MID1: variants seen among roughly 807,000 people sequenced by gnomAD.
MID1 encodes midline 1, also known as E3 ubiquitin-protein ligase Midline-1.
A neutral mutation model predicts 40.4 loss-of-function variants in MID1; 7 were observed. The observed-to-expected ratio is 0.17, with a 90% confidence interval of 0.10 to 0.33. The LOEUF is 0.33. Among genes scored for constraint, MID1 ranks in the 10% least tolerant of loss-of-function variants. MID1 has a pLI of 1.00. For synonymous variants in MID1, 229 were observed against 221.2 expected (o/e 1.04, Z -0.31); for missense variants, 367 against 558.5 (o/e 0.66, Z 3.46).
At chrX:10,491,042 C>T (rs757543642) in intron 4 of MID1, among the ~76,000 whole-genome samples, 1 of 111,993 alleles carries the variant, frequency 8.9e-6, no homozygotes, top group South Asian at 3.7e-4. Flanking sequence ...ACCTTAACTA[C>T]AGATTGGTCT....
chrX:10,641,741 G>C (rs1936199267), intron 1 of MID1, among the ~76,000 whole-genome samples: 1 of 111,892 alleles, frequency 8.9e-6, no homozygotes, highest in Non-Finnish European at 1.9e-5. Flanking sequence ...CAATATCCCT[G>C]ATGAACATTG....
chrX:10,491,092 G>C (rs1602297826), intron 4 of MID1, among the ~76,000 whole-genome samples: 2 of 111,759 alleles, frequency 1.8e-5, no homozygotes, highest in South Asian at 3.7e-4. Flanking sequence ...TCCTGATTAA[G>C]GGCTGGCAAA....
intron 7 of MID1, among the ~76,000 whole-genome samples, chrX:10,465,528 TA>T (rs1929342234): frequency 9.0e-6 from 1 of 110,930 alleles, no homozygotes; most frequent in Non-Finnish European, 1.9e-5. Context: ...TTTACAGATA[TA>T]ATTAAGGTCC....
chrX:10,624,643 C>G (rs909441296), upstream of MID1, among the ~76,000 whole-genome samples: 10 of 111,687 alleles, frequency 9.0e-5, no homozygotes, highest in Non-Finnish European at 1.9e-4. Context: ...CAGGGTCTCA[C>G]TCTGCTGCCT....
At chrX:10,637,706 C>T (rs916431257) in intron 1 of MID1, among the ~76,000 whole-genome samples, 5 of 111,300 alleles carry the variant, frequency 4.5e-5, no homozygotes, top group Non-Finnish European at 9.4e-5. Context: ...TTCTTATTCA[C>T]AAGGAAGTAT....
upstream of MID1, among the ~76,000 whole-genome samples, chrX:10,620,956 A>G (rs1935927085): frequency 8.9e-6 from 1 of 112,146 alleles, no homozygotes; most frequent in African/African-American, 3.2e-5. Flanking sequence ...CTACTTTTGC[A>G]AAAGACTGGA....
intron 2 of MID1, chrX:10,565,098 T>C (rs73479275): frequency 0.083 from 27,117 of 326,458 alleles, 2,808 homozygotes; most frequent in African/African-American, 0.43. Flanking sequence ...AGCTCATACA[T>C]GCATTGCCTT....
intron 1 of MID1, among the ~76,000 whole-genome samples, chrX:10,663,525 G>T (rs1294033547): frequency 4.5e-5 from 5 of 111,392 alleles, no homozygotes; most frequent in Non-Finnish European, 9.4e-5. Flanking sequence ...TTTTTTGTTT[G>T]TTTTTTGTTT....
Position 10,515,886 on chromosome X carries a change from C to A in MID1, c.756+7206G>T, listed in dbSNP as rs1236728802. Reference sequence around the variant, plus strand: ...ACATATCAGTGATTCCAAGTGTTTGCTTAGCTAATAAACTGTGTCTTCTGA... The same window carrying A: ...ACATATCAGTGATTCCAAGTGTTTGATTAGCTAATAAACTGTGTCTTCTGA... On this transcript the variant is annotated intron_variant, in intron 3 of 9. Coordinates refer to ENST00000317552, the MANE Select transcript of MID1 (RefSeq NM_000381.4). Among the ~76,000 whole-genome samples, 18 of 112,141 alleles carry A rather than the reference C, an allele frequency of 1.6e-4. No individual in the cohort carries two copies. The Admixed American group carries it at 1.7e-3, about 11-fold the overall frequency.
At chrX:10,565,412 C>G (rs182880730) in intron 2 of MID1, 29 of 329,836 alleles carry the variant, frequency 8.8e-5, no homozygotes, top group South Asian at 3.9e-4. Flanking sequence ...GTTAATCCCA[C>G]TGTCACAGAA....
chrX:10,521,693 G>T (rs1289578702), intron 3 of MID1, among the ~76,000 whole-genome samples: 4 of 111,774 alleles, frequency 3.6e-5, no homozygotes, highest in Non-Finnish European at 7.5e-5. Flanking sequence ...TGCTGTTGTT[G>T]CAATTGTGGT....
intron 2 of MID1, among the ~76,000 whole-genome samples, chrX:10,543,597 C>T (rs1013351726): frequency 9.0e-6 from 1 of 111,047 alleles, no homozygotes; most frequent in African/African-American, 3.3e-5. Flanking sequence ...AATCCAAGCA[C>T]TTTGGGGGGC....
At chrX:10,771,671 T>C (rs977454874) in intron 1 of MID1, among the ~76,000 whole-genome samples, 1 of 102,514 alleles carries the variant, frequency 9.8e-6, no homozygotes, top group Admixed American at 1.1e-4. Flanking sequence ...TTTTTTTTTT[T>C]TTTTTTTTTG....
intron 1 of MID1, among the ~76,000 whole-genome samples, chrX:10,639,842 G>C (rs1166251915): frequency 1.8e-5 from 2 of 112,161 alleles, no homozygotes; most frequent in African/African-American, 6.5e-5. Context: ...CAAGCCAGAA[G>C]GGAGTGAGGG....
At chrX:10,559,285 A>G (rs1274878350) in intron 2 of MID1, among the ~76,000 whole-genome samples, 1 of 112,450 alleles carries the variant, frequency 8.9e-6, no homozygotes, top group African/African-American at 3.2e-5. Flanking sequence ...TAAAAGGAAA[A>G]AAATACATAT....
intron 1 of MID1, among the ~76,000 whole-genome samples, chrX:10,776,897 T>C (rs1388607751): frequency 3.6e-5 from 4 of 112,429 alleles, no homozygotes; most frequent in Admixed American, 9.4e-5. Flanking sequence ...TTACTTCCAA[T>C]GATTTACTCT....
chrX:10,557,235 C>T (rs1934156994), intron 2 of MID1, among the ~76,000 whole-genome samples: 1 of 111,721 alleles, frequency 9.0e-6, no homozygotes, highest in South Asian at 3.8e-4. Context: ...TTTGGTGGCC[C>T]TGGAGGCATC....
chrX:10,728,687 A>G (rs927849207), intron 1 of MID1, among the ~76,000 whole-genome samples: 2 of 111,890 alleles, frequency 1.8e-5, no homozygotes, highest in Non-Finnish European at 1.9e-5. Flanking sequence ...GCTCATTACT[A>G]TGTCTGGCCC....
chrX:10,460,810 A>C (rs1928979989), intron 7 of MID1, among the ~76,000 whole-genome samples: 1 of 110,958 alleles, frequency 9.0e-6, no homozygotes, highest in South Asian at 3.8e-4. Context: ...GCAGTCCCTT[A>C]ATCTTTTTTT....
Sources: gnomAD v4.1 joint callset for allele counts (sites outside exome capture counted in the v4.1 genomes callset) on GRCh38, gnomAD v4.1.1 for gene constraint, MANE v1.5 for transcripts, NCBI Gene and HGNC (gene_info 2026-07-23, HGNC 2026-07-21) for gene names.